CNNM3: variants seen among roughly 807,000 people sequenced by gnomAD.
CNNM3 encodes the protein cyclin and CBS domain divalent metal cation transport mediator 3.
CNNM3 carries 47 observed loss-of-function variants against 57.1 expected under a neutral mutation model. The ratio of observed to expected loss-of-function variants is 0.82; its 90% CI spans 0.65 to 1.05. The LOEUF is 1.05. CNNM3 is among the 50% of genes least tolerant of loss of function. The probability of loss-of-function intolerance (pLI) is 0.00; values close to 1 mark genes in which losing one functional copy is unlikely to be tolerated. For synonymous variants in CNNM3, 507 were observed against 478.2 expected (o/e 1.06, Z -0.79); for missense variants, 957 against 973.7 (o/e 0.98, Z 0.23).
rs748837524 is a variant in CNNM3, at chr2:96,828,691, G to C, written c.1911G>C (p.Gln637His). The C allele has an allele frequency of 1.2e-6, 2 of 1,614,154 alleles. No homozygotes were observed. The highest frequency in any genetic ancestry group is 2.2e-5 in the East Asian group (1 of 44,872). The stretch of plus-strand genomic sequence containing the variant: ...CCGTGAGGGCGCTCTCTGATCTGCA[G>C]CTCATCAAGGTGACTGCCTGGGCTG... ...DYTVRALSDL[Q>H]LIKVTRLQYL... The change falls in exon 6 of 8, where the codon CAG (glutamine) becomes CAC (histidine). Residue 637 changes from glutamine to histidine, a missense_variant. By Grantham distance (24) the Gln-to-His change is conservative. This residue lies in a region of CNNM3 where 491 missense variants were observed against 570.6 expected (regional missense o/e 0.86). Transcript: ENST00000305510.
At chr2:96,828,908 G>C (rs1574113454) in intron 6 of CNNM3, 88 bp from the exon 7 acceptor site, 1 of 1,572,242 alleles carries the variant, frequency 6.4e-7, no homozygotes, top group East Asian at 2.3e-5. Flanking sequence ...TTGTGCCTCT[G>C]TCCTCTTCGG....
At chr2:96,828,068 C>G (rs1259017946) in intron 4 of CNNM3, 31 bp from the exon 5 acceptor site, 4 of 1,600,494 alleles carry the variant, frequency 2.5e-6, no homozygotes, top group South Asian at 2.2e-5. Context: ...AATCTGGCCG[C>G]ATCTGTTTCT....
rs2079674340 is a variant in CNNM3 at position 96,835,321 on chromosome 2, G to A, written c.*2705G>A. ...TGGTGTATGCATTGGCCCCCTGAAG[G>A]ACACCTGGGATGTTTCCAGTTTGGG... On this transcript the variant is annotated 3_prime_UTR_variant, in exon 8 of 8. Transcript: ENST00000305510. Among the ~76,000 whole-genome samples the A allele has an allele frequency of 6.6e-6, 1 of 152,130 alleles. No homozygotes were observed. The highest frequency in any genetic ancestry group is 6.6e-5 in the Admixed American group (1 of 15,266).
At chr2:96,825,309 A>G in intron 2 of CNNM3, 108 bp downstream of exon 2, 11 of 1,367,748 alleles carry the variant, frequency 8.0e-6, no homozygotes, top group Non-Finnish European at 1.1e-5. Context: ...ACCCAGCAAG[A>G]TCCACAGCCA....
rs1292203503 is a variant in CNNM3 at position 96,816,857 on chromosome 2, G to A, written c.580G>A (p.Ala194Thr). The A allele has an allele frequency of 4.7e-6, 5 of 1,073,278 alleles. No individual in the cohort carries two copies. The highest frequency in any genetic ancestry group is 8.6e-5 in the South Asian group (2 of 23,172). The allele number at this position is 1,073,278 out of a possible 1,614,324, so 66.5% of individuals were successfully genotyped here. Residue 194 changes from alanine (A) to threonine (T), a missense_variant, in exon 1 of 8, where the codon GCC becomes ACC. This residue lies in a region of CNNM3 where 466 missense variants were observed against 403.1 expected (regional missense o/e 1.16). Transcript: ENST00000305510. ...GCCCGCGCGGCGCTGGGCCGGCTGC[G>A]CCTTGGGCGCGCTGCTGCTGCTGGC... ...LEPARRWAGC[A>T]LGALLLLASL...
chr2:96,825,152 G>A lies in CNNM3; in HGVS notation c.1320G>A (p.Val440=). The A allele has an allele frequency of 6.2e-7, 1 of 1,614,134 alleles. No individual in the cohort carries two copies. Residue 440 remains valine, a synonymous_variant, in exon 2 of 8, where the codon GTG becomes GTA. Coordinates refer to ENST00000305510, the MANE Select transcript of CNNM3 (RefSeq NM_017623.5). ...TGGGCCTGGTCACCCTGGAGGACGT[G>A]ATCGAGGAGATCATCAGGTCCGAGA... The part of the protein sequence containing the change: ...EVLGLVTLED[V]IEEIIRSEIL...
At position 96,832,807 on chromosome 2, in the gene CNNM3, C is replaced by G. The variant is rs1272224941; in HGVS notation, c.*191C>G. ...CCTGGATCCTTCAGCCGGCCCTGCC[C>G]TCCTTTAGGAGACAGGAGTCACCAG... On this transcript the variant is annotated 3_prime_UTR_variant, in exon 8 of 8. Transcript: ENST00000305510. The G allele has an allele frequency of 5.3e-6, 8 of 1,504,118 alleles. No homozygotes were observed. Among genetic ancestry groups the G allele is most frequent in the Non-Finnish European group, 7.1e-6 (8 of 1,127,748 alleles). 93.2% of individuals were successfully genotyped at this position (1,504,118 alleles called of 1,614,324 possible).
chr2:96,832,064 G>A (rs1355271132), intron 7 of CNNM3: 11 of 990,364 alleles, frequency 1.1e-5, no homozygotes, highest in Non-Finnish European at 1.3e-5. Context: ...CAGAGCACAC[G>A]TAAGGTAAAT....
At chr2:96,831,686 A>C (rs2079604739) in intron 7 of CNNM3, among the ~76,000 whole-genome samples, 1 of 152,254 alleles carries the variant, frequency 6.6e-6, no homozygotes, top group Non-Finnish European at 1.5e-5. Context: ...CTACTATTTC[A>C]AATCCTGGGT....
rs1190552099 is a variant in CNNM3, at chr2:96,817,502, G to A, written c.1225G>A (p.Gly409Arg). Residue 409 changes from glycine to arginine, a missense_variant and splice_region_variant, in exon 1 of 8, where the codon GGG becomes AGG. Gly to Arg is a moderately radical substitution (Grantham distance 125, BLOSUM62 -2). This residue lies in a region of CNNM3 where 491 missense variants were observed against 570.6 expected (regional missense o/e 0.86). Coordinates refer to ENST00000305510, the MANE Select transcript of CNNM3 (RefSeq NM_017623.5). ...CGCTGTCCTGGAGGAATTCAAGCGA[G>A]GTAACGGCCCGGGCATGGTGCAGGG... ...LDAVLEEFKR[G>R]KSHLAIVQKV... 6.2e-7 allele frequency: 1 copy of A among 1,608,424 alleles called. No homozygotes were observed. Among genetic ancestry groups the A allele is most frequent in the Non-Finnish European group, 8.5e-7 (1 of 1,176,076 alleles).
chr2:96,817,509 G>T lies in CNNM3; in HGVS notation c.1225+7G>T. 2 of 1,606,440 alleles carry T rather than the reference G, an allele frequency of 1.2e-6. No individual in the cohort carries two copies. The highest frequency in any genetic ancestry group is 2.2e-5 in the South Asian group (2 of 90,126). On this transcript the variant is annotated splice_region_variant and intron_variant, in intron 1 of 7. Coordinates refer to ENST00000305510, the MANE Select transcript of CNNM3 (RefSeq NM_017623.5). ...CTGGAGGAATTCAAGCGAGGTAACG[G>T]CCCGGGCATGGTGCAGGGGACGCCC... is the stretch of plus-strand genomic sequence containing the variant.
At chr2:96,830,933 G>C (rs2079591771) in intron 7 of CNNM3, among the ~76,000 whole-genome samples, 1 of 152,294 alleles carries the variant, frequency 6.6e-6, no homozygotes, top group Non-Finnish European at 1.5e-5. Context: ...CAGAGGCCAA[G>C]GTTTTAAAAA....
chr2:96,825,752 T>G (rs968508555), intron 2 of CNNM3, among the ~76,000 whole-genome samples: 2 of 152,124 alleles, frequency 1.3e-5, no homozygotes, highest in Non-Finnish European at 2.9e-5. Flanking sequence ...AATACAAACA[T>G]TAGCTGGGCG....
rs757719984 is a variant in CNNM3, at chr2:96,828,146, T to C, written c.1737T>C (p.Asn579=). The C allele has an allele frequency of 1.2e-6, 2 of 1,614,000 alleles. No homozygotes were observed. Among genetic ancestry groups the C allele is most frequent in the Non-Finnish European group, 1.7e-6 (2 of 1,180,018 alleles). ...GGAAAGAGGGTCTGAAGTTTGAGAA[T>C]GGGGCCTTCACGTACTATGGAGTGT... is the stretch of plus-strand genomic sequence containing the variant. ...EIGKEGLKFE[N]GAFTYYGVSA... Residue 579 remains asparagine, a synonymous_variant, in exon 5 of 8, where the codon AAT becomes AAC. Coordinates refer to ENST00000305510, the MANE Select transcript of CNNM3 (RefSeq NM_017623.5).
intron 7 of CNNM3, 162 bp downstream of exon 7, chr2:96,829,296 ATT>A (rs1254927530): frequency 1.5e-3 from 1,026 of 683,886 alleles, no homozygotes; most frequent in Middle Eastern, 2.3e-3. Flanking sequence ...TATATAAATA[ATT>A]TTTTTTTTTT....
intron 7 of CNNM3, chr2:96,832,200 A>C: frequency 9.5e-7 from 1 of 1,049,044 alleles, no homozygotes; most frequent in Non-Finnish European, 1.1e-6. Context: ...GCTCCCTTCC[A>C]TCCTTCTGGA....
chr2:96,836,299 A>G (rs1051104985), downstream of CNNM3, among the ~76,000 whole-genome samples: 21 of 149,082 alleles, frequency 1.4e-4, no homozygotes, highest in African/African-American at 3.5e-4. Flanking sequence ...CTGGAGTTCA[A>G]TGGCGTGGTC....
Position 96,821,051 on chromosome 2 carries a change from C to G in CNNM3, c.1225+3549C>G, listed in dbSNP as rs72809860. Among the ~76,000 whole-genome samples, 1,389 of 152,090 alleles carry G rather than the reference C, an allele frequency of 9.1e-3. 14 individuals are homozygous for G. The highest frequency in any genetic ancestry group is 0.014 in the Admixed American group (215 of 15,268). On this transcript the variant is annotated intron_variant, in intron 1 of 7. Coordinates refer to ENST00000305510, the MANE Select transcript of CNNM3 (RefSeq NM_017623.5). The stretch of plus-strand genomic sequence containing the variant: ...GCCTGACAACATGCTGAAAAGGATC[C>G]CCTTGGAAGACAGTGGGGGAGGTTT...
chr2:96,824,735 G>A, intron 1 of CNNM3: 2 of 314,944 alleles, frequency 6.4e-6, no homozygotes, highest in South Asian at 7.9e-5. Flanking sequence ...CTGGAGGGAG[G>A]CATCCTTGTC....
Sources: allele counts gnomAD v4.1 joint callset (sites outside exome capture counted in the v4.1 genomes callset), GRCh38; gene constraint gnomAD v4.1.1; regional missense constraint gnomAD v4.1.1; transcripts MANE v1.5; gene names NCBI Gene and HGNC (gene_info 2026-07-23, HGNC 2026-07-21).